Variants in CATSPERD observed in about 807,000 individuals in gnomAD.
CATSPERD encodes cation channel sperm-associated auxiliary subunit delta.
A neutral mutation model predicts 98.1 loss-of-function variants in CATSPERD; 86 were observed. That is an observed-to-expected ratio of 0.88 (90% CI 0.74 to 1.05). The LOEUF (loss-of-function observed/expected upper bound fraction) is 1.05, where lower values mean the gene tolerates loss of function less well. Among genes scored for constraint, CATSPERD ranks in the 50% least tolerant of loss-of-function variants. The pLI, the probability that CATSPERD is intolerant of heterozygous loss-of-function variation, is 0.00. For synonymous variants in CATSPERD, 394 were observed against 390.2 expected (o/e 1.01, Z -0.12); for missense variants, 995 against 1,005.7 (o/e 0.99, Z 0.14).
intron 12 of CATSPERD, among the ~76,000 whole-genome samples, 192 bp downstream of exon 12, chr19:5,752,015 T>A (rs1001546314): frequency 6.6e-5 from 10 of 151,936 alleles, no homozygotes; most frequent in African/African-American, 2.4e-4. Context: ...AATTTTTTTT[T>A]AAAGCTGGGC....
chr19:5,766,609 T>C (rs761874433), intron 17 of CATSPERD, among the ~76,000 whole-genome samples: 3 of 152,120 alleles, frequency 2.0e-5, no homozygotes, highest in Non-Finnish European at 2.9e-5. Context: ...ACTATTTCCA[T>C]AATAAAAAGT....
chr19:5,763,437 TA>T (rs1206763890), intron 16 of CATSPERD, 144 bp downstream of exon 16: 6 of 597,152 alleles, frequency 1.0e-5, no homozygotes, highest in Non-Finnish European at 1.8e-5. Flanking sequence ...CCTCAAAAAC[TA>T]AAAAAATTAA....
chr19:5,752,698 C>T lies in CATSPERD; in HGVS notation c.1164+875C>T, dbSNP rs536371280. Among the ~76,000 whole-genome samples the T allele has an allele frequency of 7.2e-5, 11 of 152,086 alleles. No homozygotes were observed. In the South Asian group the frequency reaches 1.0e-3, roughly 14 times the overall value. On this transcript the variant is annotated intron_variant, in intron 12 of 21. Transcript: ENST00000381624. Reference sequence around the variant, plus strand: ...GAAATCCAGATTTTGAGAAATGCTGCGGGCCCAACAGCGTGGGGACTTCCA... The same window carrying T: ...GAAATCCAGATTTTGAGAAATGCTGTGGGCCCAACAGCGTGGGGACTTCCA...
intron 20 of CATSPERD, among the ~76,000 whole-genome samples, chr19:5,775,648 C>CAAAAAAAAAAAAAAAAA (rs1156270373): frequency 3.3e-5 from 2 of 61,480 alleles, no homozygotes; most frequent in Non-Finnish European, 3.5e-5. Context: ...AACCCCATCT[C>CAAAAAAAAAAAAAAAAA]AAAAAAAAAA....
intron 4 of CATSPERD, among the ~76,000 whole-genome samples, chr19:5,731,870 C>T (rs906423264): frequency 4.2e-4 from 64 of 152,132 alleles, no homozygotes; most frequent in African/African-American, 1.5e-3. Flanking sequence ...CCACCGCGCC[C>T]GGCCTACTTA....
chr19:5,746,791 A>G (rs1250994157), intron 9 of CATSPERD, among the ~76,000 whole-genome samples: 1 of 138,774 alleles, frequency 7.2e-6, no homozygotes, highest in African/African-American at 2.7e-5. Context: ...TAGTTCATGC[A>G]CAGTAAAGTT....
chr19:5,757,211 C>T (rs2056339526), intron 13 of CATSPERD, among the ~76,000 whole-genome samples: 1 of 151,906 alleles, frequency 6.6e-6, no homozygotes, highest in Non-Finnish European at 1.5e-5. Flanking sequence ...GTTTGCAGGA[C>T]TGCACTCCAG....
At position 5,762,057 on chromosome 19, in the gene CATSPERD, TA is replaced by T. The variant is rs202163159; in HGVS notation, c.1428-1157del. On this transcript the variant is annotated intron_variant, in intron 15 of 21. Coordinates refer to ENST00000381624, the MANE Select transcript of CATSPERD (RefSeq NM_152784.4). The stretch of plus-strand genomic sequence containing the variant: ...CTGGCCTGCCATATATATATATATA[TA>T]TTTTTTTTTTTTTTTTTTTTTTTGA... Among the ~76,000 whole-genome samples the T allele has an allele frequency of 7.5e-3, 317 of 42,370 alleles. 9 individuals carry two copies. The highest frequency in any genetic ancestry group is 0.019 in the East Asian group (41 of 2,128). 27.8% of individuals were successfully genotyped at this position (42,370 alleles called of 152,430 possible).
At chr19:5,757,373 C>T (rs1343061953) in intron 13 of CATSPERD, among the ~76,000 whole-genome samples, 3 of 150,872 alleles carry the variant, frequency 2.0e-5, no homozygotes, top group Non-Finnish European at 4.4e-5. Context: ...TCTCAGCTCA[C>T]CGCAACTTTT....
In CATSPERD at chr19:5,720,693, C is replaced by G. The variant is rs770922102; in HGVS notation, c.-45C>G. ...ACGTACTCGGATTGTGCAGCGACTCCCCGTGGCGGTTGAGGGGCAGTGGTG... is the reference window on the plus strand; with the variant it reads ...ACGTACTCGGATTGTGCAGCGACTCGCCGTGGCGGTTGAGGGGCAGTGGTG... On this transcript the variant is annotated 5_prime_UTR_variant, in exon 1 of 22. Coordinates refer to ENST00000381624, the MANE Select transcript of CATSPERD (RefSeq NM_152784.4). The G allele has an allele frequency of 6.3e-6, 10 of 1,580,934 alleles. No individual in the cohort carries two copies. Among genetic ancestry groups the G allele is most frequent in the South Asian group, 1.1e-5 (1 of 89,664 alleles).
At position 5,778,599 on chromosome 19, in the gene CATSPERD, G is replaced by A; in HGVS notation, c.2320G>A (p.Ala774Thr). 1 of 1,613,748 alleles carries A rather than the reference G, an allele frequency of 6.2e-7. No individual in the cohort carries two copies. The highest frequency in any genetic ancestry group is 8.5e-7 in the Non-Finnish European group (1 of 1,180,014). The change falls in exon 22 of 22, where the codon GCC (alanine) becomes ACC (threonine). Residue 774 changes from alanine (A) to threonine (T), a missense_variant. Ala to Thr is a moderately conservative substitution (Grantham distance 58). Around this residue, in one of 3 missense-constraint regions of CATSPERD, gnomAD observed 762 missense variants for 773.7 expected, o/e 0.98. Transcript: ENST00000381624. ...ATGCAAGACGGTCTGCCAGTTCAGG[G>A]CCTCAGCCACAGCCAGGGCAGGCAC... ...RRCKTVCQFR[A>T]SATARAGTEP...
chr19:5,738,185 A>G (rs1318826750), intron 6 of CATSPERD, among the ~76,000 whole-genome samples: 1 of 151,546 alleles, frequency 6.6e-6, no homozygotes, highest in Non-Finnish European at 1.5e-5. Context: ...AGGCGGGCAG[A>G]TCACAAGGTC....
intron 18 of CATSPERD, among the ~76,000 whole-genome samples, chr19:5,769,950 G>A (rs1224816163): frequency 4.6e-5 from 7 of 151,962 alleles, no homozygotes; most frequent in African/African-American, 1.7e-4. Context: ...TTAGCCAGGC[G>A]TGGTGGCACA....
At chr19:5,755,973 C>G (rs993498044) in intron 13 of CATSPERD, among the ~76,000 whole-genome samples, 1 of 150,008 alleles carries the variant, frequency 6.7e-6, no homozygotes, top group African/African-American at 2.5e-5. Flanking sequence ...AGAGTAAAAC[C>G]TCATCTCTTA....
At chr19:5,731,563 T>TTTTTTTG (rs2055720513) in intron 4 of CATSPERD, among the ~76,000 whole-genome samples, 2 of 106,704 alleles carry the variant, frequency 1.9e-5, no homozygotes, top group Admixed American at 1.9e-4. Flanking sequence ...CTTAACAGTT[T>TTTTTTTG]TTTTTTTTTT....
chr19:5,759,552 T>A (rs143418320), intron 15 of CATSPERD, among the ~76,000 whole-genome samples: 1,164 of 107,420 alleles, frequency 0.011, 26 homozygotes, highest in African/African-American at 0.041. Context: ...GCGACAAACA[T>A]GAAACTCCAG....
At chr19:5,739,726 G>C (rs931998859) in intron 7 of CATSPERD, among the ~76,000 whole-genome samples, 2 of 151,538 alleles carry the variant, frequency 1.3e-5, no homozygotes, top group African/African-American at 4.8e-5. Flanking sequence ...TTTAGTCCTA[G>C]CTACTTGGAA....
intron 15 of CATSPERD, among the ~76,000 whole-genome samples, chr19:5,760,261 T>C (rs2056408956): frequency 6.6e-6 from 1 of 151,030 alleles, no homozygotes; most frequent in Non-Finnish European, 1.5e-5. Flanking sequence ...TAGCCAGGCA[T>C]GGTGACAGGC....
chr19:5,757,148 G>A (rs1001225338), intron 13 of CATSPERD, among the ~76,000 whole-genome samples: 1 of 151,474 alleles, frequency 6.6e-6, no homozygotes, highest in South Asian at 2.1e-4. Context: ...TACTTGGGAG[G>A]CTGAAGTAAG....
Sources: gnomAD v4.1 joint callset for allele counts (sites outside exome capture counted in the v4.1 genomes callset) on GRCh38, gnomAD v4.1.1 for gene constraint, gnomAD v4.1.1 regional missense constraint, MANE v1.5 for transcripts, NCBI Gene and HGNC (gene_info 2026-07-23, HGNC 2026-07-21) for gene names.